PHTF2: variants seen among roughly 807,000 people sequenced by gnomAD.
The protein encoded by PHTF2 is putative homeodomain transcription factor 2, also known as protein PHTF2.
In PHTF2, 60 loss-of-function variants were observed where a neutral mutation model predicts 101.2. That is an observed-to-expected ratio of 0.59 (90% CI 0.48 to 0.73). The LOEUF is 0.73. Ranked by LOEUF, PHTF2 falls within the 30% of genes least tolerant of loss-of-function variation. The probability of loss-of-function intolerance (pLI) is 0.00; values close to 1 mark genes in which losing one functional copy is unlikely to be tolerated. For synonymous variants in PHTF2, 311 were observed against 307.3 expected, an observed-to-expected ratio of 1.01 and a Z score of -0.13; for missense variants, 747 against 908.7, an observed-to-expected ratio of 0.82 and a Z score of 2.29.
At chr7:77,851,224 C>T (rs192563591) in intron 2 of PHTF2, among the ~76,000 whole-genome samples, 10 of 152,240 alleles carry the variant, frequency 6.6e-5, no homozygotes, top group Admixed American at 4.6e-4. Flanking sequence ...AGCAGTGAAG[C>T]CATTGGGTCC....
At chr7:77,895,469 A>G (rs966311379) in intron 5 of PHTF2, among the ~76,000 whole-genome samples, 1 of 152,274 alleles carries the variant, frequency 6.6e-6, no homozygotes, top group South Asian at 2.1e-4. Context: ...GTAAGATGCC[A>G]TAATACCTTT....
chr7:77,877,348 C>T (rs192294620), intron 3 of PHTF2, among the ~76,000 whole-genome samples: 132 of 152,168 alleles, frequency 8.7e-4, no homozygotes, highest in African/African-American at 2.9e-3. Context: ...TCATGATCCC[C>T]GCTCTCGGCC....
intron 9 of PHTF2, among the ~76,000 whole-genome samples, chr7:77,917,761 A>G (rs891212234): frequency 6.6e-6 from 1 of 152,172 alleles, no homozygotes; most frequent in African/African-American, 2.4e-5. Flanking sequence ...CTCCACTGAT[A>G]TTCTTGCAAG....
At chr7:77,954,040 G>A (rs1245170967) in intron 19 of PHTF2, 146 bp downstream of exon 18, 4 of 635,470 alleles carry the variant, frequency 6.3e-6, no homozygotes, top group African/African-American at 1.8e-5. Context: ...AGAATTATAT[G>A]TATTTATGTT....
chr7:77,945,309 G>A (rs1805960206), intron 16 of PHTF2, among the ~76,000 whole-genome samples: 1 of 152,226 alleles, frequency 6.6e-6, no homozygotes, highest in African/African-American at 2.4e-5. Flanking sequence ...CTGTACTTCA[G>A]CCTGGGCAAC....
chr7:77,819,946 A>G (rs1794143533), intron 1 of PHTF2, among the ~76,000 whole-genome samples: 1 of 151,988 alleles, frequency 6.6e-6, no homozygotes, highest in African/African-American at 2.4e-5. Context: ...CTGGAGTGCA[A>G]TGGTGTGATC....
At chr7:77,920,104 T>G (rs1280461373) in intron 9 of PHTF2, among the ~76,000 whole-genome samples, 175 bp from the exon 9 acceptor site, 1 of 152,202 alleles carries the variant, frequency 6.6e-6, no homozygotes, top group Non-Finnish European at 1.5e-5. Flanking sequence ...GGACATTAAT[T>G]TACATGTTTA....
chr7:77,819,851 G>A (rs1327137130), intron 1 of PHTF2, among the ~76,000 whole-genome samples: 1 of 152,090 alleles, frequency 6.6e-6, no homozygotes, highest in Non-Finnish European at 1.5e-5. Context: ...CAGCTGTGAA[G>A]CCATCCAGTC....
At chr7:77,913,375 G>A (rs1340488245) in intron 9 of PHTF2, among the ~76,000 whole-genome samples, 5 of 143,734 alleles carry the variant, frequency 3.5e-5, no homozygotes, top group African/African-American at 7.8e-5. Context: ...GTGACAGAGC[G>A]AGACTCTGTC....
intron 7 of PHTF2, among the ~76,000 whole-genome samples, chr7:77,908,555 G>C (rs1382429934): frequency 1.3e-5 from 2 of 152,160 alleles, no homozygotes; most frequent in Non-Finnish European, 2.9e-5. Context: ...GCGTTGAGGT[G>C]TAGTTTAGAG....
chr7:77,832,141 G>T (rs1795123288), intron 1 of PHTF2, among the ~76,000 whole-genome samples: 2 of 152,002 alleles, frequency 1.3e-5, no homozygotes, highest in South Asian at 4.2e-4. Flanking sequence ...CCTGCTCAAA[G>T]AACTCAGCTT....
chr7:77,915,859 T>C lies in PHTF2; in HGVS notation c.777-4420T>C, dbSNP rs16887797. On this transcript the variant is annotated intron_variant, in intron 9 of 19. Coordinates refer to ENST00000416283, the Ensembl canonical transcript of PHTF2. The stretch of plus-strand genomic sequence containing the variant: ...GTTTTCAAGAAACTACTAGCCTTGC[T>C]GTCCAGGTGCCTGTGATTCATGGTG... 9.3e-3 allele frequency among the ~76,000 whole-genome samples: 1,410 copies of C among 152,272 alleles called. 14 individuals are homozygous for C. Among genetic ancestry groups the C allele is most frequent in the South Asian group, 0.033 (159 of 4,822 alleles).
At chr7:77,809,401 A>G (rs941874590) in intron 1 of PHTF2, among the ~76,000 whole-genome samples, 4 of 151,836 alleles carry the variant, frequency 2.6e-5, no homozygotes, top group South Asian at 2.1e-4. Context: ...TAATTTTTGT[A>G]TTTTTAGTAG....
chr7:77,861,786 G>A (rs1797663812), intron 3 of PHTF2, among the ~76,000 whole-genome samples: 1 of 152,030 alleles, frequency 6.6e-6, no homozygotes, highest in Non-Finnish European at 1.5e-5. Flanking sequence ...AGCCAGCTGT[G>A]GTGGTGCATG....
intron 11 of PHTF2, among the ~76,000 whole-genome samples, chr7:77,927,243 AAG>A (rs922237234): frequency 6.7e-6 from 1 of 149,638 alleles, no homozygotes; most frequent in Admixed American, 6.7e-5. Flanking sequence ...CATACACATA[AAG>A]AGAGAGATTG....
intron 2 of PHTF2, among the ~76,000 whole-genome samples, chr7:77,841,168 C>T (rs1312183388): frequency 1.4e-5 from 2 of 142,492 alleles, no homozygotes; most frequent in African/African-American, 5.3e-5. Flanking sequence ...CAACCTCTGC[C>T]TCCTGGGTTC....
At chr7:77,865,834 AG>A (rs1011878702) in intron 3 of PHTF2, among the ~76,000 whole-genome samples, 43 of 152,054 alleles carry the variant, frequency 2.8e-4, no homozygotes, top group African/African-American at 1.0e-3. Flanking sequence ...ACTTATTTCA[AG>A]GGACTTGATT....
chr7:77,850,360 CAAAAAAAAAAAAAAA>C (rs71082789), intron 2 of PHTF2, among the ~76,000 whole-genome samples: 2 of 44,376 alleles, frequency 4.5e-5, no homozygotes, highest in Non-Finnish European at 8.1e-5. Flanking sequence ...GACCTTGTCT[CAAAAAAAAAAAAAAA>C]AAAAAAAAAA....
rs199712378 is a variant in PHTF2, at chr7:77,937,800, A to G, written c.1429A>G (p.Met477Val). The G allele has an allele frequency of 5.2e-6, 8 of 1,549,440 alleles. 1 individual carries two copies. The South Asian group carries it at 6.1e-5, about 12-fold the overall frequency. ...AGGTAATGATTGTAAGAAAGCAGAC[A>G]TGTCTGTACTTGAAATCAGTGGAAT... The change falls in exon 13 of 20, where the codon ATG becomes GTG. Residue 477 changes from methionine to valine, a missense_variant. Transcript: ENST00000416283.
Sources: allele counts gnomAD v4.1 joint callset (sites outside exome capture counted in the v4.1 genomes callset), GRCh38; gene constraint gnomAD v4.1.1; transcripts MANE v1.5; gene names NCBI Gene and HGNC (gene_info 2026-07-23, HGNC 2026-07-21).